BMPR1B: variants seen among roughly 807,000 people sequenced by gnomAD.
BMPR1B encodes the protein bone morphogenetic protein receptor type-1B.
In BMPR1B, 12 loss-of-function variants were observed where a neutral mutation model predicts 59.1. The observed-to-expected ratio is 0.20, with a 90% CI of 0.13 to 0.33. The LOEUF is 0.33. Ranked by LOEUF, BMPR1B falls within the 10% of genes least tolerant of loss-of-function variation. The pLI, the probability that BMPR1B is intolerant of heterozygous loss-of-function variation, is 1.00. For synonymous variants in BMPR1B, 237 were observed against 207.3 expected (o/e 1.14, Z -1.23); for missense variants, 550 against 610.9 (o/e 0.90, Z 1.05).
chr4:94,962,965 A>G (rs1487896734), intron 2 of BMPR1B, among the ~76,000 whole-genome samples: 5 of 152,134 alleles, frequency 3.3e-5, no homozygotes, highest in Non-Finnish European at 7.4e-5. Context: ...TCCTTGCTCC[A>G]CATTCTCACC....
intron 2 of BMPR1B, among the ~76,000 whole-genome samples, chr4:94,883,907 A>G (rs1727073956): frequency 6.6e-6 from 1 of 152,158 alleles, no homozygotes; most frequent in African/African-American, 2.4e-5. Context: ...TGTGTTGAAT[A>G]CCCATTTAAC....
intron 1 of BMPR1B, among the ~76,000 whole-genome samples, chr4:94,859,256 A>G (rs568648770): frequency 1.3e-5 from 2 of 152,318 alleles, no homozygotes; most frequent in South Asian, 2.1e-4. Context: ...TGCACGTTCT[A>G]GTTAATAATT....
intron 1 of BMPR1B, among the ~76,000 whole-genome samples, chr4:94,785,455 A>G (rs1474236855): frequency 6.6e-6 from 1 of 152,216 alleles, no homozygotes; most frequent in Non-Finnish European, 1.5e-5. Flanking sequence ...ACAGCTTTCA[A>G]TGATGATAAT....
intron 3 of BMPR1B, among the ~76,000 whole-genome samples, chr4:95,069,650 T>C (rs1728126007): frequency 6.6e-6 from 1 of 152,234 alleles, no homozygotes; most frequent in Admixed American, 6.5e-5. Context: ...TTGTTTTATT[T>C]ACTGTTTCTT....
Position 95,157,837 on chromosome 4 carries a change from C to T in BMPR1B, c.*3164C>T, listed in dbSNP as rs778487949. The T allele has an allele frequency of 6.6e-6, 1 of 152,044 alleles. No homozygotes were observed. The highest frequency in any genetic ancestry group is 1.5e-5 in the Non-Finnish European group (1 of 67,988). The allele number at this position is 152,044 out of a possible 1,614,324, so 9.4% of individuals were successfully genotyped here. A position where few individuals can be genotyped will look rare whatever the true frequency, so the allele number is the denominator to read the frequency against. On this transcript the variant is annotated 3_prime_UTR_variant, in exon 13 of 13. Transcript: ENST00000515059. ...CTTTGACCTCCTGGAAAGCACTGCTCAAAAGTCATTAGTGCCCATTTTTGA... is the reference window on the plus strand; with the variant it reads ...CTTTGACCTCCTGGAAAGCACTGCTTAAAAGTCATTAGTGCCCATTTTTGA...
intron 2 of BMPR1B, among the ~76,000 whole-genome samples, chr4:94,878,008 A>G (rs1726798406): frequency 6.6e-6 from 1 of 152,064 alleles, no homozygotes. Context: ...GCCTATATTG[A>G]TGAATGGTCT....
At chr4:95,122,764 A>G (rs1732620473) in intron 6 of BMPR1B, among the ~76,000 whole-genome samples, 1 of 152,198 alleles carries the variant, frequency 6.6e-6, no homozygotes, top group South Asian at 2.1e-4. Context: ...GTGGAAGAAC[A>G]TTCCCAGCCA....
At chr4:94,922,739 T>C (rs1470961166) in intron 2 of BMPR1B, among the ~76,000 whole-genome samples, 1 of 152,160 alleles carries the variant, frequency 6.6e-6, no homozygotes, top group Non-Finnish European at 1.5e-5. Context: ...GGGTAACCAC[T>C]TGCTGTGTCT....
chr4:94,975,144 G>T (rs1730970406), intron 2 of BMPR1B, among the ~76,000 whole-genome samples: 1 of 152,094 alleles, frequency 6.6e-6, no homozygotes. Context: ...TGGTGGTGGA[G>T]CAGGTGAGTA....
chr4:94,855,376 G>A (rs986703880), intron 1 of BMPR1B, among the ~76,000 whole-genome samples: 2 of 152,118 alleles, frequency 1.3e-5, no homozygotes, highest in Non-Finnish European at 2.9e-5. Context: ...TTAAATAGTA[G>A]AGCCTGGACT....
intron 1 of BMPR1B, among the ~76,000 whole-genome samples, chr4:94,793,794 T>G (rs1354865895): frequency 3.3e-5 from 5 of 149,986 alleles, no homozygotes; most frequent in African/African-American, 9.8e-5. Flanking sequence ...TTTCATGTGT[T>G]TTTTGGCTGC....
intron 1 of BMPR1B, among the ~76,000 whole-genome samples, chr4:94,758,744 C>T (rs539307433): frequency 6.6e-6 from 1 of 152,048 alleles, no homozygotes; most frequent in South Asian, 2.1e-4. Context: ...GTCTTTCATT[C>T]TCTCCCTTTT....
intron 3 of BMPR1B, among the ~76,000 whole-genome samples, chr4:95,010,873 T>C (rs1377006403): frequency 6.6e-6 from 1 of 152,202 alleles, no homozygotes; most frequent in Non-Finnish European, 1.5e-5. Context: ...TCATGAGGCA[T>C]CGGACCATGG....
chr4:95,058,524 G>A (rs1727099964), intron 3 of BMPR1B, among the ~76,000 whole-genome samples: 1 of 152,098 alleles, frequency 6.6e-6, no homozygotes, highest in African/African-American at 2.4e-5. Flanking sequence ...GCACTGATGA[G>A]ATAACAGCCA....
chr4:95,147,379 G>C (rs1192536803), intron 10 of BMPR1B, among the ~76,000 whole-genome samples: 1 of 152,122 alleles, frequency 6.6e-6, no homozygotes, highest in Admixed American at 6.5e-5. Context: ...TTGTAGAAGT[G>C]GTCAAGGCAA....
At chr4:94,873,188 G>A (rs564469976) in intron 1 of BMPR1B, among the ~76,000 whole-genome samples, 7 of 151,944 alleles carry the variant, frequency 4.6e-5, no homozygotes, top group East Asian at 3.9e-4. Context: ...CTGTCACTTC[G>A]GATACTCTCC....
chr4:94,919,958 T>C (rs1728628652), intron 2 of BMPR1B, among the ~76,000 whole-genome samples: 1 of 152,166 alleles, frequency 6.6e-6, no homozygotes, highest in Admixed American at 6.6e-5. Flanking sequence ...AAAGTAATTG[T>C]CTTTCAATTG....
intron 2 of BMPR1B, among the ~76,000 whole-genome samples, chr4:94,983,375 A>G (rs1578880595): frequency 6.6e-6 from 1 of 152,206 alleles, no homozygotes; most frequent in South Asian, 2.1e-4. Flanking sequence ...AACTAAGCCT[A>G]CCACATAGCA....
intron 1 of BMPR1B, among the ~76,000 whole-genome samples, chr4:94,836,173 G>T (rs2148928957): frequency 6.7e-6 from 1 of 149,624 alleles, no homozygotes; most frequent in African/African-American, 2.5e-5. Context: ...TGGACATTTG[G>T]GTTGGTTCCA....
Sources: allele counts gnomAD v4.1 joint callset (sites outside exome capture counted in the v4.1 genomes callset), GRCh38; gene constraint gnomAD v4.1.1; transcripts MANE v1.5; gene names NCBI Gene and HGNC (gene_info 2026-07-23, HGNC 2026-07-21).